The following NRXN3 variants were observed in gnomAD, a reference collection of about 807,000 sequenced individuals.
NRXN3 encodes the protein neurexin III.
In NRXN3, 32 loss-of-function variants were observed where a neutral mutation model predicts 137.6. The ratio of observed to expected loss-of-function variants is 0.23; its 90% confidence interval spans 0.18 to 0.31. The LOEUF (loss-of-function observed/expected upper bound fraction) is 0.31. Ranked by LOEUF, NRXN3 falls within the 10% of genes least tolerant of loss-of-function variation. The probability of loss-of-function intolerance (pLI) is 1.00; values close to 1 mark genes in which losing one functional copy is unlikely to be tolerated. For missense variants in NRXN3, 1,574 were observed against 2,062.5 expected (o/e 0.76, Z 4.59); for synonymous variants, 798 against 784.5 (o/e 1.02, Z -0.29).
At chr14:79,122,035 A>T (rs539942408) in intron 15 of NRXN3, among the ~76,000 whole-genome samples, 2 of 152,200 alleles carry the variant, frequency 1.3e-5, no homozygotes, top group African/African-American at 2.4e-5. Flanking sequence ...GAGGATGATC[A>T]TTCACTTTTA....
intron 19 of NRXN3, among the ~76,000 whole-genome samples, chr14:79,712,928 C>T (rs938445655): frequency 6.6e-6 from 1 of 152,104 alleles, no homozygotes; most frequent in African/African-American, 2.4e-5. Context: ...GCACATTGTC[C>T]TGTAGCCTCC....
At position 78,207,269 on chromosome 14, in the gene NRXN3, T is replaced by C. The variant is rs149521498; in HGVS notation, c.-703-35122T>C. Among the ~76,000 whole-genome samples, 499 of 152,340 alleles carry C rather than the reference T, an allele frequency of 3.3e-3. 7 individuals carry two copies. Among genetic ancestry groups the C allele is most frequent in the African/African-American group, 0.012 (485 of 41,570 alleles). ...CCACCCCTTCTTTTTGGTTTGTTTCTTTTATACGACCCTTAAATGTCTTTC... is the reference window on the plus strand; with the variant it reads ...CCACCCCTTCTTTTTGGTTTGTTTCCTTTATACGACCCTTAAATGTCTTTC... On this transcript the variant is annotated intron_variant, in intron 1 of 20. Transcript: ENST00000335750.
intron 15 of NRXN3, among the ~76,000 whole-genome samples, chr14:79,236,539 C>G (rs533698430): frequency 2.8e-4 from 43 of 152,134 alleles, no homozygotes; most frequent in Middle Eastern, 3.4e-3. Flanking sequence ...TGAATATTAA[C>G]CATTCCCCAG....
intron 4 of NRXN3, among the ~76,000 whole-genome samples, chr14:78,420,643 C>T (rs972530656): frequency 6.6e-6 from 1 of 152,156 alleles, no homozygotes; most frequent in African/African-American, 2.4e-5. Context: ...CGAATATTCT[C>T]ACCTGAAAAC....
At chr14:78,867,241 C>G (rs1404382619) in intron 10 of NRXN3, among the ~76,000 whole-genome samples, 2 of 152,134 alleles carry the variant, frequency 1.3e-5, no homozygotes, top group Non-Finnish European at 2.9e-5. Context: ...GCTAAAATCA[C>G]ACAGGTTGTC....
intron 2 of NRXN3, among the ~76,000 whole-genome samples, chr14:78,259,940 C>G (rs978836225): frequency 2.0e-5 from 3 of 152,148 alleles, no homozygotes; most frequent in African/African-American, 7.2e-5. Flanking sequence ...GCAGAAGAGA[C>G]TGAGGTGTTA....
At chr14:79,497,845 G>C (rs2096782031) in intron 16 of NRXN3, among the ~76,000 whole-genome samples, 1 of 152,104 alleles carries the variant, frequency 6.6e-6, no homozygotes, top group Non-Finnish European at 1.5e-5. Context: ...GACCAGCCTG[G>C]CCAACATAGT....
At chr14:78,212,291 T>C (rs1003431075) in intron 1 of NRXN3, among the ~76,000 whole-genome samples, 1 of 152,244 alleles carries the variant, frequency 6.6e-6, no homozygotes, top group Non-Finnish European at 1.5e-5. Flanking sequence ...ATGATGAAGG[T>C]GCCTTCCTCT....
At chr14:78,225,111 A>C (rs1421400954) in intron 1 of NRXN3, among the ~76,000 whole-genome samples, 1 of 152,166 alleles carries the variant, frequency 6.6e-6, no homozygotes, top group Non-Finnish European at 1.5e-5. Flanking sequence ...TTGGGTATAT[A>C]CCCAGTAATG....
intron 5 of NRXN3, among the ~76,000 whole-genome samples, chr14:78,649,859 G>A (rs1457242953): frequency 6.6e-6 from 1 of 151,740 alleles, no homozygotes; most frequent in Non-Finnish European, 1.5e-5. Context: ...CTCCCCTACC[G>A]TGGCCAAAAG....
chr14:79,069,476 A>T (rs951117480), intron 15 of NRXN3, among the ~76,000 whole-genome samples: 3 of 152,068 alleles, frequency 2.0e-5, no homozygotes, highest in South Asian at 2.1e-4. Flanking sequence ...AAGTAAGTAA[A>T]TTATGTAACT....
chr14:78,606,060 A>G (rs2097249760), intron 4 of NRXN3, among the ~76,000 whole-genome samples: 1 of 152,132 alleles, frequency 6.6e-6, no homozygotes, highest in African/African-American at 2.4e-5. Flanking sequence ...CTAAGAAGAG[A>G]GAGGAAAAAA....
chr14:79,065,040 C>A (rs9652376), intron 15 of NRXN3, among the ~76,000 whole-genome samples: 6,478 of 151,832 alleles, frequency 0.043, 506 homozygotes, highest in African/African-American at 0.15. Context: ...TTTGAGTTTG[C>A]TGTAGATACT....
chr14:79,771,411 A>G (rs1033104685), intron 19 of NRXN3, among the ~76,000 whole-genome samples: 1 of 141,448 alleles, frequency 7.1e-6, no homozygotes, highest in Non-Finnish European at 1.6e-5. Flanking sequence ...GCAGCACATC[A>G]AAAAGCTTAT....
At chr14:79,229,871 G>T (rs920892684) in intron 15 of NRXN3, among the ~76,000 whole-genome samples, 3 of 152,056 alleles carry the variant, frequency 2.0e-5, no homozygotes, top group Admixed American at 2.0e-4. Context: ...AATGGCAGGG[G>T]TAACTATTTT....
At chr14:79,715,610 A>G (rs1048775352) in intron 19 of NRXN3, among the ~76,000 whole-genome samples, 12 of 152,258 alleles carry the variant, frequency 7.9e-5, no homozygotes, top group African/African-American at 2.7e-4. Context: ...TAGAGTTAAA[A>G]AGATAATAAA....
At chr14:78,957,506 T>C (rs1169079682) in intron 11 of NRXN3, 145 bp downstream of exon 11, 1 of 898,084 alleles carries the variant, frequency 1.1e-6, no homozygotes, top group East Asian at 2.7e-5. Context: ...CAGGCAAGGC[T>C]AAGAAGGTCT....
rs191271053 is a variant in NRXN3 at position 79,681,294 on chromosome 14, C to T, written c.3617-10879C>T. ...TAGGAGATAGTGTTTCCTTTACCCA[C>T]TCTCGGACCCCTGTTCTTCCTGGAT... On this transcript the variant is annotated intron_variant, in intron 17 of 20. Transcript: ENST00000335750. 7.9e-5 allele frequency among the ~76,000 whole-genome samples: 12 copies of T among 152,274 alleles called. No homozygotes were observed. In the East Asian group the frequency reaches 2.1e-3, roughly 27 times the overall value.
chr14:78,554,805 G>A (rs747510166), intron 4 of NRXN3, among the ~76,000 whole-genome samples: 5 of 152,164 alleles, frequency 3.3e-5, no homozygotes, highest in Non-Finnish European at 5.9e-5. Context: ...AAGGTACTGG[G>A]GAGTGTCTTC....
Sources: gnomAD v4.1 joint callset for allele counts (sites outside exome capture counted in the v4.1 genomes callset) on GRCh38, gnomAD v4.1.1 for gene constraint, MANE v1.5 for transcripts, NCBI Gene and HGNC (gene_info 2026-07-23, HGNC 2026-07-21) for gene names.